DNAH2: variants seen among roughly 807,000 people sequenced by gnomAD.
DNAH2 encodes axonemal beta dynein heavy chain 2.
A neutral mutation model predicts 523.5 loss-of-function variants in DNAH2; 323 were observed. The observed-to-expected ratio is 0.62, with a 90% CI of 0.56 to 0.68. The LOEUF is 0.68. DNAH2 is among the 30% of genes least tolerant of loss of function. DNAH2 has a pLI of 0.00. For missense variants in DNAH2, 4,907 were observed against 5,701.5 expected, an observed-to-expected ratio of 0.86 and a Z score of 4.49; for synonymous variants, 2,093 against 2,177.4, an observed-to-expected ratio of 0.96 and a Z score of 1.08.
chr17:7,817,799 G>C lies in DNAH2; in HGVS notation c.10179G>C (p.Leu3393=), dbSNP rs2077719766. The C allele has an allele frequency of 6.2e-7, 1 of 1,614,090 alleles. No homozygotes were observed. Among genetic ancestry groups the C allele is most frequent in the Non-Finnish European group, 8.5e-7 (1 of 1,180,014 alleles). The part of the protein sequence containing the change: ...IIVTRGNRWA[L]MIDPQAQALK... ...TGTACTCCCCTTCCAGGTGGGCACT[G>C]ATGATCGACCCTCAGGCCCAGGCCC... The change falls in exon 67 of 86, where the codon CTG becomes CTC. Residue 3393 remains leucine (L), a synonymous_variant. Transcript: ENST00000572933.
chr17:7,782,441 A>T (rs1021298401), intron 39 of DNAH2, among the ~76,000 whole-genome samples: 1 of 152,242 alleles, frequency 6.6e-6, no homozygotes, highest in African/African-American at 2.4e-5. Context: ...AATATTAAGT[A>T]GTTCTAGGTT....
At position 7,727,293 on chromosome 17, in the gene DNAH2, G is replaced by T; in HGVS notation, c.399+1G>T. ...GCTAGAGCTGGGCATGCCTGTACAG[G>T]TGCGTACCCTACATTCCCAGATCAA... On this transcript the variant is annotated splice_donor_variant, in intron 4 of 85. Transcript: ENST00000572933. LOFTEE classifies it high-confidence loss of function. 6.2e-7 allele frequency: 1 copy of T among 1,604,742 alleles called. No homozygotes were observed. Among genetic ancestry groups the T allele is most frequent in the Non-Finnish European group, 8.5e-7 (1 of 1,176,668 alleles).
intron 3 of DNAH2, among the ~76,000 whole-genome samples, chr17:7,726,253 G>A (rs1398048986): frequency 6.6e-6 from 1 of 151,104 alleles, no homozygotes; most frequent in Non-Finnish European, 1.5e-5. Flanking sequence ...TGATCCACCC[G>A]CCTTGGCCTC....
chr17:7,816,189 T>C (rs139217621), intron 63 of DNAH2, among the ~76,000 whole-genome samples: 53 of 152,330 alleles, frequency 3.5e-4, no homozygotes, highest in African/African-American at 1.2e-3. Flanking sequence ...ACCTTAGGTA[T>C]GGCCTCTGGC....
rs1555543643 is a variant in DNAH2, at chr17:7,749,301, TCCCCC to T, written c.1904+6162_1904+6166del. Reference sequence around the variant, plus strand: ...CCAGCCTGGGCAACAAGAGCTAAACTCCCCCCCAAAAAAAAAAAAAAAAAAAAAAA... The same window carrying T: ...CCAGCCTGGGCAACAAGAGCTAAACTCCAAAAAAAAAAAAAAAAAAAAAAA... On this transcript the variant is annotated intron_variant, in intron 12 of 85. Coordinates refer to ENST00000572933, the MANE Select transcript of DNAH2 (RefSeq NM_020877.5). Among the ~76,000 whole-genome samples the T allele has an allele frequency of 6.1e-4, 10 of 16,526 alleles. 1 individual carries two copies. Among genetic ancestry groups the T allele is most frequent in the Admixed American group, 2.2e-3 (2 of 898 alleles). 10.8% of individuals were successfully genotyped at this position (16,526 alleles called of 152,430 possible).
chr17:7,791,743 T>A (rs1386372298), intron 44 of DNAH2, among the ~76,000 whole-genome samples, 174 bp from the exon 45 acceptor site: 1 of 152,216 alleles, frequency 6.6e-6, no homozygotes, highest in African/African-American at 2.4e-5. Context: ...CAGGTTTGTC[T>A]GTCTTTCAGC....
chr17:7,753,358 G>T (rs1209321985), intron 12 of DNAH2, among the ~76,000 whole-genome samples: 6 of 152,166 alleles, frequency 3.9e-5, no homozygotes, highest in African/African-American at 1.4e-4. Context: ...CAGGTTAGCT[G>T]TGCAGGTTTG....
At chr17:7,728,152 A>T (rs1394917136) in intron 4 of DNAH2, among the ~76,000 whole-genome samples, 1 of 152,212 alleles carries the variant, frequency 6.6e-6, no homozygotes, top group Non-Finnish European at 1.5e-5. Flanking sequence ...CTATTTCAAC[A>T]GTGTGGAGAA....
chr17:7,832,532 T>C lies in DNAH2; in HGVS notation c.12727-47T>C. On this transcript the variant is annotated intron_variant, in intron 82 of 85. Transcript: ENST00000572933. This position sits in a 1 kb window ranked among gnomAD's most constrained non-coding sequence, Gnocchi z 4.3. The stretch of plus-strand genomic sequence containing the variant: ...CTCTAAATAAATAAATAATACGGAT[T>C]TGAATGCACGGCTAAATGAGTGAAT... 6.3e-7 allele frequency: 1 copy of C among 1,591,230 alleles called. No homozygotes were observed. Among genetic ancestry groups the C allele is most frequent in the African/African-American group, 1.3e-5 (1 of 74,120 alleles).
At position 7,778,415 on chromosome 17, in the gene DNAH2, C is replaced by T. The variant is rs1322197903; in HGVS notation, c.5487C>T (p.Cys1829=). 1 of 1,614,218 alleles carries T rather than the reference C, an allele frequency of 6.2e-7. No homozygotes were observed. The highest frequency in any genetic ancestry group is 1.3e-5 in the African/African-American group (1 of 75,062). ...ALGIYVIVVN[C]SEGLDYKSMG... is the part of the protein sequence containing the mutation. ...GCATATATGTCATTGTGGTCAACTGCTCTGAGGGCCTGGACTACAAGTCCA... is the reference window on the plus strand; with the variant it reads ...GCATATATGTCATTGTGGTCAACTGTTCTGAGGGCCTGGACTACAAGTCCA... Residue 1829 remains cysteine, a synonymous_variant, in exon 35 of 86, where the codon TGC becomes TGT. Coordinates refer to ENST00000572933, the MANE Select transcript of DNAH2 (RefSeq NM_020877.5).
intron 12 of DNAH2, among the ~76,000 whole-genome samples, chr17:7,748,716 G>A (rs951465902): frequency 1.3e-5 from 2 of 151,588 alleles, no homozygotes; most frequent in African/African-American, 4.9e-5. Context: ...GGCTGGTCTC[G>A]AACTCCTGAG....
intron 12 of DNAH2, among the ~76,000 whole-genome samples, chr17:7,752,160 T>TACACACACACACACACAC (rs1555544463): frequency 5.3e-4 from 66 of 125,036 alleles, no homozygotes; most frequent in South Asian, 9.4e-4. Flanking sequence ...TAAGTCATTT[T>TACACACACACACACACAC]ACACACACAC....
At chr17:7,752,160 T>TACACACACTCTCACAC (rs146035380) in intron 12 of DNAH2, among the ~76,000 whole-genome samples, 3 of 124,952 alleles carry the variant, frequency 2.4e-5, no homozygotes, top group Admixed American at 8.3e-5. Flanking sequence ...TAAGTCATTT[T>TACACACACTCTCACAC]ACACACACAC....
rs2075275681 is a variant in DNAH2, at chr17:7,740,404, C to T, written c.1377-16C>T. The T allele has an allele frequency of 6.2e-7, 1 of 1,613,716 alleles. No homozygotes were observed. The highest frequency in any genetic ancestry group is 1.1e-5 in the South Asian group (1 of 91,022). On this transcript the variant is annotated splice_polypyrimidine_tract_variant and intron_variant, in intron 9 of 85. Transcript: ENST00000572933. ...GCGAGGGCACTCAGCTGCCACATGC[C>T]TCTCCACCGGTGCAGGTTCCGTGCC... is the stretch of plus-strand genomic sequence containing the variant.
chr17:7,755,814 T>G (rs2151187991), intron 12 of DNAH2, among the ~76,000 whole-genome samples: 2 of 151,916 alleles, frequency 1.3e-5, no homozygotes, highest in Non-Finnish European at 1.5e-5. Context: ...ATCTCTTTTT[T>G]TTTTTTTGAG....
chr17:7,766,583 T>A, intron 22 of DNAH2, 102 bp downstream of exon 22: 1 of 1,205,010 alleles, frequency 8.3e-7, no homozygotes, highest in Non-Finnish European at 1.1e-6. Flanking sequence ...GGAGAGGAGC[T>A]CACAAGGAGC....
chr17:7,771,073 T>C, intron 27 of DNAH2, 140 bp downstream of exon 27: 1 of 1,042,172 alleles, frequency 9.6e-7, no homozygotes, highest in Non-Finnish European at 1.4e-6. Context: ...TGTCTGATTC[T>C]TAGTTATTAC....
chr17:7,788,173 C>T lies in DNAH2; in HGVS notation c.6829C>T (p.Pro2277Ser). ...GAAGGACAACTGCAAGGAGCTGGTG[C>T]CCCTGCCCGAGTACAGCGGTATCAC... ...FKKDNCKELV[P>S]LPEYSGITSL... is the part of the protein sequence containing the mutation. The change falls in exon 44 of 86, where the codon CCC becomes TCC. Residue 2277 changes from proline to serine, a missense_variant. Coordinates refer to ENST00000572933, the MANE Select transcript of DNAH2 (RefSeq NM_020877.5). 1 of 1,613,720 alleles carries T rather than the reference C, an allele frequency of 6.2e-7. No homozygotes were observed. Among genetic ancestry groups the T allele is most frequent in the Non-Finnish European group, 8.5e-7 (1 of 1,179,856 alleles).
chr17:7,825,935 C>T (rs1002989786), intron 77 of DNAH2, among the ~76,000 whole-genome samples: 1 of 152,176 alleles, frequency 6.6e-6, no homozygotes, highest in African/African-American at 2.4e-5. Flanking sequence ...CATGGTGGCT[C>T]AGGCCGGGTG....
Sources: gnomAD v4.1 joint callset for allele counts (sites outside exome capture counted in the v4.1 genomes callset) on GRCh38, gnomAD v4.1.1 for gene constraint, Gnocchi (gnomAD v3.1) non-coding constraint, MANE v1.5 for transcripts, NCBI Gene and HGNC (gene_info 2026-07-23, HGNC 2026-07-21) for gene names.